The following TRAPPC13 variants were observed in gnomAD, a reference collection of about 807,000 sequenced individuals.
TRAPPC13 encodes REV7-interacting novel NHEJ regulator 1.
In TRAPPC13, 39 loss-of-function variants were observed where a neutral mutation model predicts 54.0. That is an observed-to-expected ratio of 0.72 (90% CI 0.56 to 0.94). TRAPPC13 has a LOEUF of 0.94. TRAPPC13 is among the 40% of genes least tolerant of loss of function. TRAPPC13 has a pLI of 0.00. For missense variants in TRAPPC13, 386 were observed against 488.1 expected (o/e 0.79, Z 1.97); for synonymous variants, 148 against 167.7 (o/e 0.88, Z 0.91).
intron 3 of TRAPPC13, 61 bp from the exon 4 acceptor site, chr5:65,637,635 A>AG: frequency 9.4e-7 from 1 of 1,064,556 alleles, no homozygotes; most frequent in East Asian, 2.8e-5. Flanking sequence ...TGTCTCAAAA[A>AG]AAAAAAAAAA....
chr5:65,628,088 G>A (rs1046324003), intron 1 of TRAPPC13, among the ~76,000 whole-genome samples: 1 of 152,070 alleles, frequency 6.6e-6, no homozygotes, highest in South Asian at 2.1e-4. Context: ...TACAGCTTTG[G>A]GCCTGATTAG....
chr5:65,638,191 T>C (rs1203595723), intron 4 of TRAPPC13, among the ~76,000 whole-genome samples: 1 of 152,174 alleles, frequency 6.6e-6, no homozygotes. Context: ...TAAATGCACG[T>C]TTGATACAAT....
chr5:65,636,248 A>G (rs1755742228), intron 3 of TRAPPC13, among the ~76,000 whole-genome samples: 1 of 151,574 alleles, frequency 6.6e-6, no homozygotes, highest in Non-Finnish European at 1.5e-5. Context: ...GGTTCAAGCA[A>G]TTCTCGTGCC....
intron 7 of TRAPPC13, among the ~76,000 whole-genome samples, chr5:65,653,548 G>C (rs1381058382): frequency 6.6e-6 from 1 of 152,138 alleles, no homozygotes; most frequent in Non-Finnish European, 1.5e-5. Flanking sequence ...ACCTAGAATG[G>C]AATATAGTGA....
In TRAPPC13 at chr5:65,658,436, T is replaced by A; in HGVS notation, c.633T>A (p.Val211=). 6.3e-7 allele frequency: 1 copy of A among 1,594,098 alleles called. No homozygotes were observed. Among genetic ancestry groups the A allele is most frequent in the Non-Finnish European group, 8.6e-7 (1 of 1,168,706 alleles). Residue 211 remains valine (V), a synonymous_variant, in exon 9 of 13, where the codon GTT becomes GTA. Coordinates refer to ENST00000399438, the MANE Select transcript of TRAPPC13 (RefSeq NM_024941.4). ...MTTSPMFMEK[V]SLEPSIMYNV... is the part of the protein sequence containing the mutation. ...CCTCACCTATGTTTATGGAGAAGGT[T>A]TCACTGGAGCCATCTATTATGTACA... is the stretch of plus-strand genomic sequence containing the variant.
At chr5:65,645,801 C>A (rs891388637) in intron 4 of TRAPPC13, among the ~76,000 whole-genome samples, 1 of 152,112 alleles carries the variant, frequency 6.6e-6, no homozygotes, top group Non-Finnish European at 1.5e-5. Flanking sequence ...AAGACTCTGT[C>A]TCAAACAAAC....
rs1314150443 is a variant in TRAPPC13 at position 65,664,522 on chromosome 5, C to T, written c.1165C>T (p.Leu389=). The T allele has an allele frequency of 6.2e-7, 1 of 1,611,112 alleles. No homozygotes were observed. Residue 389 remains leucine (L), a synonymous_variant, in exon 13 of 13, where the codon CTA becomes TTA. Transcript: ENST00000399438. ...TCAATAGAGCATCTCTGGCTTAAGACTAACAGACACATTCTTAAAGAGAAC... is the reference window on the plus strand; with the variant it reads ...TCAATAGAGCATCTCTGGCTTAAGATTAACAGACACATTCTTAAAGAGAAC... ...QGLQSISGLR[L]TDTFLKRTYE...
In TRAPPC13 at chr5:65,625,117, G is replaced by A; in HGVS notation, c.46+11G>A. The A allele has an allele frequency of 1.2e-6, 2 of 1,611,302 alleles. No individual in the cohort carries two copies. The highest frequency in any genetic ancestry group is 1.7e-6 in the Non-Finnish European group (2 of 1,177,490). The stretch of plus-strand genomic sequence containing the variant: ...TGCTGGCGCTAAAAGGTAAACTTTT[G>A]CGAACCTGATTCCCCCTTTTCTGTT... On this transcript the variant is annotated intron_variant, in intron 1 of 12. Transcript: ENST00000399438.
chr5:65,660,855 A>G lies in TRAPPC13; in HGVS notation c.855A>G (p.Leu285=). 6.2e-7 allele frequency: 1 copy of G among 1,613,392 alleles called. No homozygotes were observed. Among genetic ancestry groups the G allele is most frequent in the Non-Finnish European group, 8.5e-7 (1 of 1,179,574 alleles). The change falls in exon 10 of 13, where the codon CTA becomes CTG. Residue 285 remains leucine, a synonymous_variant. Coordinates refer to ENST00000399438, the MANE Select transcript of TRAPPC13 (RefSeq NM_024941.4). ...GKLDIVWKTN[L]GERGRLQTSQ... is the part of the protein sequence containing the mutation. ...TGGATATAGTATGGAAAACAAATCT[A>G]GGTGAAAGGGGAAGGTTACAGACCA...
chr5:65,661,539 G>A (rs1326206242), intron 10 of TRAPPC13: 1 of 152,380 alleles, frequency 6.6e-6, no homozygotes, highest in East Asian at 1.9e-4. Flanking sequence ...TGATGATGAT[G>A]ATTCCTGGGC....
chr5:65,653,788 G>C (rs1478697666), intron 7 of TRAPPC13, among the ~76,000 whole-genome samples: 1 of 152,154 alleles, frequency 6.6e-6, no homozygotes, highest in Non-Finnish European at 1.5e-5. Context: ...GCATCATCAA[G>C]ATTACTAGAT....
At chr5:65,651,845 T>G (rs1024293954) in intron 6 of TRAPPC13, among the ~76,000 whole-genome samples, 1 of 22,002 alleles carries the variant, frequency 4.5e-5, no homozygotes, top group Admixed American at 3.4e-4. Context: ...TGATTCAGTT[T>G]TTTTTTTTTT....
chr5:65,625,163 C>T (rs1755149247), intron 1 of TRAPPC13, 57 bp downstream of exon 1: 1 of 1,451,558 alleles, frequency 6.9e-7, no homozygotes, highest in Non-Finnish European at 9.7e-7. Context: ...CCCTACTTAT[C>T]GAAGCCTTTG....
rs1757007874 is a variant in TRAPPC13, at chr5:65,665,504, C to T, written c.*893C>T. On this transcript the variant is annotated 3_prime_UTR_variant, in exon 13 of 13. Coordinates refer to ENST00000399438, the MANE Select transcript of TRAPPC13 (RefSeq NM_024941.4). ...CATATCTTTCAGCTACTGAACACAT[C>T]AGAATTGGTTTTACTTTTTAGGTTG... 1 of 152,078 alleles carries T rather than the reference C, an allele frequency of 6.6e-6. No individual in the cohort carries two copies. Among genetic ancestry groups the T allele is most frequent in the Non-Finnish European group, 1.5e-5 (1 of 68,018 alleles). 9.4% of individuals were successfully genotyped at this position (152,078 alleles called of 1,614,324 possible).
In TRAPPC13 at chr5:65,653,134, C is replaced by CCAAAAAAAAAAA. The variant is rs534056801; in HGVS notation, c.546+589_546+590insCAAAAAAAAAAA. 7.9e-5 allele frequency among the ~76,000 whole-genome samples: 9 copies of CCAAAAAAAAAAA among 114,252 alleles called. No individual in the cohort carries two copies. In the East Asian group the frequency reaches 1.9e-3, roughly 24 times the overall value. The allele number at this position is 114,252 out of a possible 152,430, so 75.0% of individuals were successfully genotyped here. A position where few individuals can be genotyped will look rare whatever the true frequency, so the allele number is the denominator to read the frequency against. On this transcript the variant is annotated intron_variant, in intron 7 of 12. Coordinates refer to ENST00000399438, the MANE Select transcript of TRAPPC13 (RefSeq NM_024941.4). ...AAAAAGAGATAAAATAGAACTTGCC[C>CCAAAAAAAAAAA]AAAAAAAAAAAAGAACTTGCCATAG...
intron 1 of TRAPPC13, chr5:65,634,992 T>TTAA: frequency 1.1e-6 from 1 of 873,782 alleles, no homozygotes; most frequent in Non-Finnish European, 1.4e-6. Context: ...TAAAGCCTTA[T>TTAA]GCTCCTAATA....
chr5:65,631,997 A>C (rs1252309835), intron 1 of TRAPPC13, among the ~76,000 whole-genome samples: 2 of 152,202 alleles, frequency 1.3e-5, no homozygotes, highest in Non-Finnish European at 2.9e-5. Flanking sequence ...GAAATGAAAA[A>C]AATAATAGGG....
chr5:65,644,437 C>A (rs1756102286), intron 4 of TRAPPC13, among the ~76,000 whole-genome samples: 2 of 152,090 alleles, frequency 1.3e-5, no homozygotes, highest in Non-Finnish European at 2.9e-5. Context: ...GAATAAGTTC[C>A]CCCAACCCCT....
chr5:65,651,680 A>G (rs1218707692), intron 6 of TRAPPC13, among the ~76,000 whole-genome samples: 2 of 151,292 alleles, frequency 1.3e-5, no homozygotes, highest in African/African-American at 2.4e-5. Context: ...AATACCACGT[A>G]TGTCTATTAT....
Sources: gnomAD v4.1 joint callset for allele counts (sites outside exome capture counted in the v4.1 genomes callset) on GRCh38, gnomAD v4.1.1 for gene constraint, MANE v1.5 for transcripts, NCBI Gene and HGNC (gene_info 2026-07-23, HGNC 2026-07-21) for gene names.